The following ACAD9 variants were observed in gnomAD, a reference collection of about 807,000 sequenced individuals.
ACAD9 encodes the protein complex I assembly factor ACAD9, mitochondrial.
ACAD9 carries 53 observed loss-of-function variants against 70.2 expected under a neutral mutation model. That is an observed-to-expected ratio of 0.75 (90% CI 0.61 to 0.95). ACAD9 has a LOEUF of 0.95. Among genes scored for constraint, ACAD9 ranks in the 40% least tolerant of loss-of-function variants. The probability of loss-of-function intolerance (pLI) is 0.00; values close to 1 mark genes in which losing one functional copy is unlikely to be tolerated. For synonymous variants in ACAD9, 313 were observed against 312.1 expected, an observed-to-expected ratio of 1.00 and a Z score of -0.03; for missense variants, 777 against 802.8, an observed-to-expected ratio of 0.97 and a Z score of 0.39.
chr3:128,890,441 G>A (rs142912887), intron 2 of ACAD9, among the ~76,000 whole-genome samples: 6,302 of 152,172 alleles, frequency 0.041, 173 homozygotes, highest in Non-Finnish European at 0.058. Flanking sequence ...AGTGGCTCAT[G>A]CCTGTAATCC....
At chr3:128,899,528 GT>G in intron 7 of ACAD9, 67 bp downstream of exon 7, 1 of 1,073,774 alleles carries the variant, frequency 9.3e-7, no homozygotes, top group African/African-American at 1.6e-5. Context: ...TTGACGGTGT[GT>G]GTGTGTGTGT....
chr3:128,901,029 C>G (rs1321083401), intron 7 of ACAD9, among the ~76,000 whole-genome samples: 3 of 152,190 alleles, frequency 2.0e-5, no homozygotes, highest in African/African-American at 4.8e-5. Flanking sequence ...CTCCATTTCT[C>G]TTTATCGTGA....
intron 1 of ACAD9, among the ~76,000 whole-genome samples, chr3:128,882,048 C>G (rs2107638978): frequency 6.6e-6 from 1 of 152,262 alleles, no homozygotes; most frequent in Admixed American, 6.5e-5. Context: ...GGGGCTTTCT[C>G]TGTCACCTGT....
intron 13 of ACAD9, 40 bp downstream of exon 13, chr3:128,908,304 C>T (rs1479654976): frequency 6.2e-7 from 1 of 1,609,782 alleles, no homozygotes; most frequent in Non-Finnish European, 8.5e-7. Context: ...AGGTCCCATA[C>T]CTGCCCAGCA....
At position 128,909,456 on chromosome 3, in the gene ACAD9, G is replaced by T. The variant is rs763124075; in HGVS notation, c.1563+35G>T. The T allele has an allele frequency of 1.9e-6, 3 of 1,606,704 alleles. No individual in the cohort carries two copies. In the African/African-American group the frequency reaches 4.0e-5, roughly 21 times the overall value. ...CCCTCCCAGGCCTGGGTCGCAAGCG[G>T]TCCTCCAATTTGGCCAGCATTCATG... On this transcript the variant is annotated intron_variant, in intron 15 of 17. Transcript: ENST00000308982.
chr3:128,898,978 C>G (rs1935650690), intron 6 of ACAD9, among the ~76,000 whole-genome samples: 1 of 152,118 alleles, frequency 6.6e-6, no homozygotes, highest in African/African-American at 2.4e-5. Flanking sequence ...ATGATTAAAC[C>G]CTTTCTTTCT....
intron 13 of ACAD9, chr3:128,908,577 A>G: frequency 1.8e-6 from 1 of 557,502 alleles, no homozygotes; most frequent in South Asian, 2.0e-5. Context: ...TAAAGGTGCC[A>G]GGCCTCACAG....
rs1344066008 is a variant in ACAD9, at chr3:128,909,336, G to A, written c.1486-8G>A. ...AGGTGCTGAACTGAGTCCTGTCTTG[G>A]TTAATAGGACAGTGCCAACAAGTTT... is the stretch of plus-strand genomic sequence containing the variant. On this transcript the variant is annotated splice_region_variant and splice_polypyrimidine_tract_variant and intron_variant, in intron 14 of 17. Transcript: ENST00000308982. 6 of 1,614,152 alleles carry A rather than the reference G, an allele frequency of 3.7e-6. No individual in the cohort carries two copies. The highest frequency in any genetic ancestry group is 1.7e-5 in the Admixed American group (1 of 60,028).
intron 3 of ACAD9, among the ~76,000 whole-genome samples, chr3:128,895,042 A>G (rs1391536788): frequency 1.3e-5 from 2 of 151,446 alleles, no homozygotes; most frequent in African/African-American, 2.4e-5. Context: ...ACACCTGGCT[A>G]ATTTTTGTAT....
At position 128,909,783 on chromosome 3, in the gene ACAD9, C is replaced by T. The variant is rs1406716248; in HGVS notation, c.1564-238C>T. The T allele has an allele frequency of 4.7e-6, 3 of 633,790 alleles. No individual in the cohort carries two copies. The East Asian group carries it at 8.3e-5, about 18-fold the overall frequency. 39.3% of individuals were successfully genotyped at this position (633,790 alleles called of 1,614,324 possible). On this transcript the variant is annotated intron_variant, in intron 15 of 17. Coordinates refer to ENST00000308982, the MANE Select transcript of ACAD9 (RefSeq NM_014049.5). The stretch of plus-strand genomic sequence containing the variant: ...AGTAAGCACTGGCTTCTGGTCTCAG[C>T]CAAGCTTCTGGGACCTGGTCTTGCC...
Position 128,899,475 on chromosome 3 carries a change from G to C in ACAD9, c.808+14G>C. On this transcript the variant is annotated intron_variant, in intron 7 of 17. Coordinates refer to ENST00000308982, the MANE Select transcript of ACAD9 (RefSeq NM_014049.5). ...GGGGCTCCAACAGTAAGTAGCTCCT[G>C]TGCGCGCGTGCGCGTGTGTGTGTGT... The C allele has an allele frequency of 6.2e-7, 1 of 1,612,992 alleles. No homozygotes were observed. Among genetic ancestry groups the C allele is most frequent in the South Asian group, 1.1e-5 (1 of 90,958 alleles).
chr3:128,902,910 T>G lies in ACAD9; in HGVS notation c.958+282T>G, dbSNP rs1299324394. 1.3e-5 allele frequency among the ~76,000 whole-genome samples: 2 copies of G among 152,200 alleles called. No individual in the cohort carries two copies. The highest frequency in any genetic ancestry group is 2.4e-5 in the African/African-American group (1 of 41,438). On this transcript the variant is annotated intron_variant, in intron 9 of 17. Transcript: ENST00000308982. This position sits in a 1 kb window ranked among gnomAD's most constrained non-coding sequence, Gnocchi z 4.0. Reference sequence around the variant, plus strand: ...GGGATGGGGATTGGGGAATGGGCTGTCTGTCTGGAGTGAGAGGTTGCCACT... The same window carrying G: ...GGGATGGGGATTGGGGAATGGGCTGGCTGTCTGGAGTGAGAGGTTGCCACT...
intron 1 of ACAD9, among the ~76,000 whole-genome samples, chr3:128,884,433 A>G (rs1169671528): frequency 2.0e-5 from 3 of 152,122 alleles, no homozygotes; most frequent in African/African-American, 4.8e-5. Flanking sequence ...GGAAGAACCT[A>G]TTTGAACAGG....
chr3:128,899,448 T>C lies in ACAD9; in HGVS notation c.795T>C (p.Ile265=). 2 of 1,614,036 alleles carry C rather than the reference T, an allele frequency of 1.2e-6. No homozygotes were observed. Among genetic ancestry groups the C allele is most frequent in the East Asian group, 2.2e-5 (1 of 44,876 alleles). Residue 265 remains isoleucine, a synonymous_variant, in exon 7 of 18, where the codon ATT becomes ATC. Coordinates refer to ENST00000308982, the MANE Select transcript of ACAD9 (RefSeq NM_014049.5). ...TNGKPEDKLG[I]RGSNTCEVHF... is the part of the protein sequence containing the mutation. ...GGAAACCCGAAGATAAATTAGGCAT[T>C]CGGGGCTCCAACAGTAAGTAGCTCC...
chr3:128,884,536 A>G (rs907595638), intron 1 of ACAD9, 117 bp from the exon 2 acceptor site: 8 of 742,594 alleles, frequency 1.1e-5, no homozygotes, highest in African/African-American at 8.8e-5. Context: ...TCAGTACGTC[A>G]TGTCCCGCTG....
intron 2 of ACAD9, among the ~76,000 whole-genome samples, chr3:128,891,536 A>G (rs1935421151): frequency 6.6e-6 from 1 of 152,192 alleles, no homozygotes; most frequent in African/African-American, 2.4e-5. Flanking sequence ...CAGGAGAACC[A>G]CTTGAACCCG....
At chr3:128,881,149 C>G (rs1453919200) in intron 1 of ACAD9, among the ~76,000 whole-genome samples, 1 of 152,270 alleles carries the variant, frequency 6.6e-6, no homozygotes, top group South Asian at 2.1e-4. Flanking sequence ...AGCAGTTTGC[C>G]CAGCTAGAAA....
Position 128,901,369 on chromosome 3 carries a change from C to T in ACAD9, c.882+20C>T. On this transcript the variant is annotated intron_variant, in intron 8 of 17. Transcript: ENST00000308982. ...TTTAAGGTGAGTTGCCAGCCACAGCCCCTTGTACCAGGTAGTGTCATGAGT... is the reference window on the plus strand; with the variant it reads ...TTTAAGGTGAGTTGCCAGCCACAGCTCCTTGTACCAGGTAGTGTCATGAGT... The T allele has an allele frequency of 1.2e-6, 2 of 1,613,754 alleles. No homozygotes were observed. Among genetic ancestry groups the T allele is most frequent in the South Asian group, 1.1e-5 (1 of 91,074 alleles).
Position 128,897,721 on chromosome 3 carries a change from T to C in ACAD9, c.633+11T>C. On this transcript the variant is annotated intron_variant, in intron 6 of 17. Coordinates refer to ENST00000308982, the MANE Select transcript of ACAD9 (RefSeq NM_014049.5). The stretch of plus-strand genomic sequence containing the variant: ...CTCAATGGCTCCAAGGTAGGGTTCC[T>C]TCCCCATGGCCACATTAGGGTCTCA... 6.2e-7 allele frequency: 1 copy of C among 1,611,846 alleles called. No individual in the cohort carries two copies. The highest frequency in any genetic ancestry group is 8.5e-7 in the Non-Finnish European group (1 of 1,178,808).
Sources: gnomAD v4.1 joint callset for allele counts (sites outside exome capture counted in the v4.1 genomes callset) on GRCh38, gnomAD v4.1.1 for gene constraint, Gnocchi (gnomAD v3.1) non-coding constraint, MANE v1.5 for transcripts, NCBI Gene and HGNC (gene_info 2026-07-23, HGNC 2026-07-21) for gene names.